BEAN1: variants seen among roughly 807,000 people sequenced by gnomAD.
The protein encoded by BEAN1 is brain expressed associated with NEDD4 1, also known as protein BEAN1.
In BEAN1, 17 loss-of-function variants were observed where a neutral mutation model predicts 17.7. The ratio of observed to expected loss-of-function variants is 0.96; its 90% CI spans 0.66 to 1.44. The LOEUF (loss-of-function observed/expected upper bound fraction) is 1.44. Ranked by LOEUF, BEAN1 falls within the 40% of genes most tolerant of loss-of-function variation. BEAN1 has a pLI of 0.00. For missense variants in BEAN1, 359 were observed against 374.1 expected, an observed-to-expected ratio of 0.96 and a Z score of 0.33; for synonymous variants, 142 against 151.8, an observed-to-expected ratio of 0.94 and a Z score of 0.47.
At chr16:66,437,549 G>A in intron 1 of BEAN1, 46 bp from the exon 2 acceptor site, 1 of 1,145,916 alleles carries the variant, frequency 8.7e-7, no homozygotes, top group Non-Finnish European at 1.2e-6. Context: ...AGGGGCTGTG[G>A]GTGCGCCATG....
chr16:66,482,670 A>C lies in BEAN1; in HGVS notation c.*1745A>C. ...TGCAATTCCAGAGAGTGCTGGGGGA[A>C]AAAAAGGGATAAAAATTCCTACCTA... On this transcript the variant is annotated 3_prime_UTR_variant, in exon 5 of 5. Coordinates refer to ENST00000536005, the MANE Select transcript of BEAN1 (RefSeq NM_001178020.3). The C allele has an allele frequency of 2.7e-6, 1 of 364,134 alleles. No homozygotes were observed. Among genetic ancestry groups the C allele is most frequent in the East Asian group, 7.3e-5 (1 of 13,760 alleles). 22.6% of individuals were successfully genotyped at this position (364,134 alleles called of 1,614,324 possible). A position where few individuals can be genotyped will look rare whatever the true frequency, so the allele number is the denominator to read the frequency against.
At chr16:66,440,306 G>T (rs1433960944) in intron 2 of BEAN1, among the ~76,000 whole-genome samples, 1 of 151,514 alleles carries the variant, frequency 6.6e-6, no homozygotes, top group South Asian at 2.1e-4. Flanking sequence ...AGTTTTTTTT[G>T]TTTTTAATAG....
intron 1 of BEAN1, among the ~76,000 whole-genome samples, chr16:66,431,244 T>C (rs1342752940): frequency 6.6e-6 from 1 of 152,238 alleles, no homozygotes; most frequent in African/African-American, 2.4e-5. Flanking sequence ...CAGGATCTCT[T>C]GAGCCCAGGA....
In BEAN1 at chr16:66,439,117, C is replaced by T. The variant is rs572864348; in HGVS notation, c.25+1416C>T. Reference sequence around the variant, plus strand: ...GGGAGGTAGGGGACACTGGCATGTCCCACCTGGGTGAGATCATCACCAGGC... The same window carrying T: ...GGGAGGTAGGGGACACTGGCATGTCTCACCTGGGTGAGATCATCACCAGGC... On this transcript the variant is annotated intron_variant, in intron 2 of 4. Coordinates refer to ENST00000536005, the MANE Select transcript of BEAN1 (RefSeq NM_001178020.3). Among the ~76,000 whole-genome samples, 286 of 152,246 alleles carry T rather than the reference C, an allele frequency of 1.9e-3. 1 individual carries two copies. The highest frequency in any genetic ancestry group is 3.9e-3 in the South Asian group (19 of 4,814).
chr16:66,469,567 G>A (rs1326349419), intron 2 of BEAN1, 35 bp from the exon 3 acceptor site: 1 of 1,517,230 alleles, frequency 6.6e-7, no homozygotes, highest in South Asian at 1.2e-5. Flanking sequence ...GGCAGGCCTG[G>A]GCTCCAGCTC....
downstream of BEAN1, among the ~76,000 whole-genome samples, chr16:66,494,759 C>T (rs79838108): frequency 0.06 from 9,145 of 152,266 alleles, 385 homozygotes; most frequent in South Asian, 0.18. Flanking sequence ...CATCCAGGAG[C>T]GGGGGCACCC....
intron 2 of BEAN1, among the ~76,000 whole-genome samples, chr16:66,468,402 G>C (rs1963338154): frequency 6.6e-6 from 1 of 152,226 alleles, no homozygotes; most frequent in Non-Finnish European, 1.5e-5. Flanking sequence ...CGAAAGATCT[G>C]ACCTTCCTGG....
Position 66,481,078 on chromosome 16 carries a change from A to G in BEAN1, c.*153A>G, listed in dbSNP as rs561772571. 119 of 600,960 alleles carry G rather than the reference A, an allele frequency of 2.0e-4. No homozygotes were observed. The African/African-American group carries it at 2.1e-3, about 10-fold the overall frequency. The allele number at this position is 600,960 out of a possible 1,614,324, so 37.2% of individuals were successfully genotyped here. A position where few individuals can be genotyped will look rare whatever the true frequency, so the allele number is the denominator to read the frequency against. ...TACACACAGACATCTACACTGACATACCCCATGTACACACACAGATCTAGA... is the reference window on the plus strand; with the variant it reads ...TACACACAGACATCTACACTGACATGCCCCATGTACACACACAGATCTAGA... On this transcript the variant is annotated 3_prime_UTR_variant, in exon 5 of 5. Coordinates refer to ENST00000536005, the MANE Select transcript of BEAN1 (RefSeq NM_001178020.3). This position sits in a 1 kb window ranked among gnomAD's most constrained non-coding sequence, Gnocchi z 4.1.
chr16:66,495,267 C>T (rs1597062653), downstream of BEAN1, among the ~76,000 whole-genome samples: 1 of 152,150 alleles, frequency 6.6e-6, no homozygotes, highest in South Asian at 2.1e-4. Context: ...GGTTATCACC[C>T]ACTCATCCAT....
chr16:66,428,240 G>A lies in BEAN1; in HGVS notation c.-83+809G>A, dbSNP rs1961655949. Reference sequence around the variant, plus strand: ...TCCCTATCGGGCTCTGCGGTCTGGAGGCTGGAGAGCGGTGAGGACCAGGGA... The same window carrying A: ...TCCCTATCGGGCTCTGCGGTCTGGAAGCTGGAGAGCGGTGAGGACCAGGGA... On this transcript the variant is annotated intron_variant, in intron 1 of 4. Transcript: ENST00000536005. 3.9e-5 allele frequency: 6 copies of A among 152,624 alleles called. No individual in the cohort carries two copies. The South Asian group carries it at 1.2e-3, about 32-fold the overall frequency. The allele number at this position is 152,624 out of a possible 1,614,324, so 9.5% of individuals were successfully genotyped here.
intron 3 of BEAN1, among the ~76,000 whole-genome samples, chr16:66,474,578 G>A (rs1421171236): frequency 1.9e-5 from 1 of 52,452 alleles, no homozygotes. Context: ...GAGAGGGAGG[G>A]AGAGAGGGAG....
intron 3 of BEAN1, 109 bp from the exon 4 acceptor site, chr16:66,477,450 TG>T: frequency 8.9e-7 from 1 of 1,127,080 alleles, no homozygotes; most frequent in Non-Finnish European, 1.2e-6. Context: ...AGGAGAGGAG[TG>T]GTCAGGTGGG....
At chr16:66,435,886 A>C (rs1426494744) in intron 1 of BEAN1, among the ~76,000 whole-genome samples, 2 of 152,126 alleles carry the variant, frequency 1.3e-5, no homozygotes, top group Admixed American at 1.3e-4. Context: ...AGCTCTGCCA[A>C]TTCTTGGCAG....
chr16:66,489,499 G>A (rs1425456912), intron 4 of BEAN1, among the ~76,000 whole-genome samples: 1 of 152,174 alleles, frequency 6.6e-6, no homozygotes, highest in African/African-American at 2.4e-5. Context: ...GGGTGGCCAC[G>A]TTTGACCCTG....
intron 1 of BEAN1, among the ~76,000 whole-genome samples, chr16:66,436,848 G>A (rs1962044140): frequency 6.6e-6 from 1 of 152,116 alleles, no homozygotes; most frequent in South Asian, 2.1e-4. Flanking sequence ...TCATACTGGG[G>A]GGCGGGGAGA....
intron 2 of BEAN1, among the ~76,000 whole-genome samples, chr16:66,458,371 C>CCTT (rs1291840796): frequency 6.6e-6 from 1 of 152,122 alleles, no homozygotes; most frequent in East Asian, 1.9e-4. Context: ...CAGCCCTGAC[C>CCTT]TAAGCCACCT....
rs189762840 is a variant in BEAN1 at position 66,445,182 on chromosome 16, A to G, written c.25+7481A>G. On this transcript the variant is annotated intron_variant, in intron 2 of 4. Transcript: ENST00000536005. Reference sequence around the variant, plus strand: ...GGGGAGGAGCTACAAAGACAAAAAAAGCACAGTGAGGTGGCCGGGCGTGGT... The same window carrying G: ...GGGGAGGAGCTACAAAGACAAAAAAGGCACAGTGAGGTGGCCGGGCGTGGT... Among the ~76,000 whole-genome samples the G allele has an allele frequency of 1.6e-3, 250 of 152,266 alleles. 1 individual carries two copies. Among genetic ancestry groups the G allele is most frequent in the African/African-American group, 5.8e-3 (239 of 41,550 alleles).
intron 2 of BEAN1, among the ~76,000 whole-genome samples, chr16:66,450,642 T>C (rs561163056): frequency 2.0e-5 from 3 of 152,110 alleles, no homozygotes; most frequent in East Asian, 3.9e-4. Flanking sequence ...CGCTTGAGCA[T>C]AGGAGTTCAA....
intron 1 of BEAN1, among the ~76,000 whole-genome samples, chr16:66,429,794 A>G (rs1000661134): frequency 2.6e-5 from 4 of 152,136 alleles, no homozygotes; most frequent in African/African-American, 9.7e-5. Flanking sequence ...GGAGTTAATC[A>G]GGAACTAATT....
Sources: gnomAD v4.1 joint callset for allele counts (sites outside exome capture counted in the v4.1 genomes callset) on GRCh38, gnomAD v4.1.1 for gene constraint, Gnocchi (gnomAD v3.1) non-coding constraint, MANE v1.5 for transcripts, NCBI Gene and HGNC (gene_info 2026-07-23, HGNC 2026-07-21) for gene names.